The following TARBP1 variants were observed in gnomAD, a reference collection of about 807,000 sequenced individuals.
The protein encoded by TARBP1 is tRNA (guanosine(18)-2'-O)-methyltransferase TARBP1.
A neutral mutation model predicts 178.6 loss-of-function variants in TARBP1; 144 were observed. The ratio of observed to expected loss-of-function variants is 0.81; its 90% CI spans 0.70 to 0.93. The LOEUF is 0.93. Ranked by LOEUF, TARBP1 falls within the 40% of genes least tolerant of loss-of-function variation. The pLI, the probability that TARBP1 is intolerant of heterozygous loss-of-function variation, is 0.00. For missense variants in TARBP1, 2,067 were observed against 2,011.7 expected, an observed-to-expected ratio of 1.03 and a Z score of -0.53; for synonymous variants, 787 against 781.0, an observed-to-expected ratio of 1.01 and a Z score of -0.13.
At chr1:234,468,667 T>C (rs981698942) in intron 3 of TARBP1, among the ~76,000 whole-genome samples, 1 of 152,078 alleles carries the variant, frequency 6.6e-6, no homozygotes, top group Non-Finnish European at 1.5e-5. Flanking sequence ...CATCTCCTCA[T>C]TGTTCTTAGA....
chr1:234,465,566 C>A, intron 5 of TARBP1, 90 bp downstream of exon 5: 1 of 1,205,794 alleles, frequency 8.3e-7, no homozygotes, highest in Non-Finnish European at 1.1e-6. Context: ...CAGCAACATA[C>A]TGTATGTGCC....
chr1:234,391,441 G>T lies in TARBP1; in HGVS notation c.*136C>A. On this transcript the variant is annotated 3_prime_UTR_variant, in exon 30 of 30. Transcript: ENST00000040877. ...TATAGTAATATGTTTAAGGCACATG[G>T]CAAACTTTTGGCATTAAATTGCAAG... The T allele has an allele frequency of 1.1e-6, 1 of 926,284 alleles. No individual in the cohort carries two copies. Among genetic ancestry groups the T allele is most frequent in the Non-Finnish European group, 1.6e-6 (1 of 643,042 alleles). 57.4% of individuals were successfully genotyped at this position (926,284 alleles called of 1,614,324 possible). A position where few individuals can be genotyped will look rare whatever the true frequency, so the allele number is the denominator to read the frequency against.
In TARBP1 at chr1:234,417,857, C is replaced by T. The variant is rs546130998; in HGVS notation, c.3705+227G>A. On this transcript the variant is annotated intron_variant, in intron 22 of 29. Transcript: ENST00000040877. ...TCTTAATGACAAATGCCTTTTCCAT[C>T]TTTATTTTGTTGAATAGAACAGCTC... 3.3e-5 allele frequency among the ~76,000 whole-genome samples: 5 copies of T among 152,238 alleles called. No individual in the cohort carries two copies. In the South Asian group the frequency reaches 8.3e-4, roughly 25 times the overall value.
At chr1:234,475,462 T>A (rs6670164) in intron 1 of TARBP1, among the ~76,000 whole-genome samples, 6,308 of 152,298 alleles carry the variant, frequency 0.041, 190 homozygotes, top group African/African-American at 0.083. Context: ...CTGCCAGATA[T>A]CCTGCACTGA....
chr1:234,391,757 A>C lies in TARBP1; in HGVS notation c.4698-12T>G. ...CCTCACGTTCATTTCTGAGGAAGAAAATGGAAGAAAGATTAGTTTTCCTGT... is the reference window on the plus strand; with the variant it reads ...CCTCACGTTCATTTCTGAGGAAGAACATGGAAGAAAGATTAGTTTTCCTGT... On this transcript the variant is annotated splice_polypyrimidine_tract_variant and intron_variant, in intron 29 of 29. Coordinates refer to ENST00000040877, the MANE Select transcript of TARBP1 (RefSeq NM_005646.4). 6.2e-7 allele frequency: 1 copy of C among 1,608,970 alleles called. No homozygotes were observed. Among genetic ancestry groups the C allele is most frequent in the Non-Finnish European group, 8.5e-7 (1 of 1,178,012 alleles).
At chr1:234,464,540 T>G (rs1240054062) in intron 5 of TARBP1, among the ~76,000 whole-genome samples, 1 of 152,260 alleles carries the variant, frequency 6.6e-6, no homozygotes, top group Non-Finnish European at 1.5e-5. Flanking sequence ...TCATTGGTTT[T>G]ACTGCTCTCC....
At chr1:234,409,182 A>AAG (rs1303136028) in intron 23 of TARBP1, among the ~76,000 whole-genome samples, 3 of 152,132 alleles carry the variant, frequency 2.0e-5, no homozygotes, top group Non-Finnish European at 4.4e-5. Context: ...GTTGAAATGG[A>AAG]AATTCTTCCA....
At chr1:234,458,559 C>T (rs1667527083) in intron 8 of TARBP1, among the ~76,000 whole-genome samples, 1 of 152,138 alleles carries the variant, frequency 6.6e-6, no homozygotes, top group African/African-American at 2.4e-5. Flanking sequence ...GAAGTTGCAA[C>T]ACAGATCATA....
chr1:234,411,262 G>A lies in TARBP1; in HGVS notation c.3706-731C>T, dbSNP rs1661791906. ...ATGTACATTGTACTAGACATTATAA[G>A]TAATCTAAGATTATTAAAGTATATG... On this transcript the variant is annotated intron_variant, in intron 22 of 29. Transcript: ENST00000040877. Among the ~76,000 whole-genome samples the A allele has an allele frequency of 2.6e-5, 4 of 152,296 alleles. No individual in the cohort carries two copies. In the South Asian group the frequency reaches 8.3e-4, roughly 32 times the overall value.
chr1:234,448,660 T>G (rs1480002299), intron 10 of TARBP1, 81 bp from the exon 11 acceptor site: 6 of 976,970 alleles, frequency 6.1e-6, no homozygotes, highest in African/African-American at 4.9e-5. Flanking sequence ...CACTAAATGA[T>G]TATGCCTTAT....
chr1:234,448,433 T>A, intron 11 of TARBP1, 47 bp downstream of exon 11: 25 of 1,520,684 alleles, frequency 1.6e-5, no homozygotes, highest in Non-Finnish European at 2.3e-5. Flanking sequence ...ATAATTCTCA[T>A]CAGGATTTTT....
chr1:234,460,465 G>A, intron 6 of TARBP1, 69 bp from the exon 7 acceptor site: 1 of 1,529,392 alleles, frequency 6.5e-7, no homozygotes, highest in Middle Eastern at 1.7e-4. Context: ...ATACCATTAG[G>A]TATTAGGGAA....
At chr1:234,418,009 A>T in intron 22 of TARBP1, 75 bp downstream of exon 22, 1 of 937,636 alleles carries the variant, frequency 1.1e-6, no homozygotes, top group African/African-American at 1.7e-5. Flanking sequence ...ACAACTATTT[A>T]AGTGAAACAA....
rs1669817943 is a variant in TARBP1, at chr1:234,478,616, A to C, written c.488T>G (p.Val163Gly). ...PREDGPLLER[V>G]AGTAVALALG... The stretch of plus-strand genomic sequence containing the variant: ...CGCCAGGGCGACGGCGGTCCCCGCC[A>C]CGCGCTCCAGTAGCGGCCCGTCCTC... Residue 163 changes from valine (V) to glycine (G), a missense_variant, in exon 1 of 30, where the codon GTG becomes GGG. Transcript: ENST00000040877. The C allele has an allele frequency of 7.7e-7, 1 of 1,304,942 alleles. No individual in the cohort carries two copies. Among genetic ancestry groups the C allele is most frequent in the Non-Finnish European group, 9.7e-7 (1 of 1,027,806 alleles). 80.8% of individuals were successfully genotyped at this position (1,304,942 alleles called of 1,614,324 possible).
chr1:234,463,126 T>G (rs923986824), intron 6 of TARBP1, among the ~76,000 whole-genome samples: 1 of 90,404 alleles, frequency 1.1e-5, no homozygotes, highest in African/African-American at 3.3e-5. Flanking sequence ...AGTGTTTTTT[T>G]GTTTTTTTTG....
Position 234,432,938 on chromosome 1 carries a change from A to AT in TARBP1, c.2394+471dup, listed in dbSNP as rs200439247. Among the ~76,000 whole-genome samples the AT allele has an allele frequency of 2.0e-3, 292 of 148,290 alleles. 3 individuals are homozygous for AT. The highest frequency in any genetic ancestry group is 6.8e-3 in the African/African-American group (273 of 39,966). The stretch of plus-strand genomic sequence containing the variant: ...ATGTCTATATCTAAATGATTTTAAG[A>AT]TGATGCCTCTTATATGTTTAATATT... On this transcript the variant is annotated intron_variant, in intron 14 of 29. Coordinates refer to ENST00000040877, the MANE Select transcript of TARBP1 (RefSeq NM_005646.4).
chr1:234,458,367 C>G (rs931562376), intron 8 of TARBP1, among the ~76,000 whole-genome samples: 2 of 152,030 alleles, frequency 1.3e-5, no homozygotes, highest in African/African-American at 4.8e-5. Flanking sequence ...TGATTATTTT[C>G]AATGCCATAA....
Position 234,448,535 on chromosome 1 carries a change from C to T in TARBP1, c.1906G>A (p.Val636Ile). Reference sequence around the variant, plus strand: ...ACAGCCAGCAAGACCATCAGAGAAACAAGCTTGGCTTCAAACCAATCAGGC... The same window carrying T: ...ACAGCCAGCAAGACCATCAGAGAAATAAGCTTGGCTTCAAACCAATCAGGC... ...FMPDWFEAKL[V>I]SLMVLLAVDV... Residue 636 changes from valine to isoleucine, a missense_variant, in exon 11 of 30, where the codon GTT becomes ATT. Coordinates refer to ENST00000040877, the MANE Select transcript of TARBP1 (RefSeq NM_005646.4). 6.2e-7 allele frequency: 1 copy of T among 1,614,066 alleles called. No individual in the cohort carries two copies. The highest frequency in any genetic ancestry group is 8.5e-7 in the Non-Finnish European group (1 of 1,179,994).
At chr1:234,444,395 T>A (rs955167743) in intron 12 of TARBP1, among the ~76,000 whole-genome samples, 5 of 152,190 alleles carry the variant, frequency 3.3e-5, no homozygotes, top group African/African-American at 1.2e-4. Context: ...ATTAAACATA[T>A]AATCATGGAA....
Sources: gnomAD v4.1 joint callset for allele counts (sites outside exome capture counted in the v4.1 genomes callset) on GRCh38, gnomAD v4.1.1 for gene constraint, MANE v1.5 for transcripts, NCBI Gene and HGNC (gene_info 2026-07-23, HGNC 2026-07-21) for gene names.